The following GTF2E2 variants were observed in gnomAD, a reference collection of about 807,000 sequenced individuals.
The protein encoded by GTF2E2 is transcription initiation factor IIE subunit beta.
A neutral mutation model predicts 40.5 loss-of-function variants in GTF2E2; 21 were observed. The observed-to-expected ratio is 0.52, with a 90% CI of 0.37 to 0.75. GTF2E2 has a LOEUF of 0.75. GTF2E2 is among the 30% of genes least tolerant of loss of function. The pLI is 0.00. For missense variants in GTF2E2, 298 were observed against 338.4 expected (o/e 0.88, Z 0.94); for synonymous variants, 117 against 121.6 (o/e 0.96, Z 0.25).
At chr8:30,644,391 G>A (rs562310084) in intron 2 of GTF2E2, 1 of 152,234 alleles carries the variant, frequency 6.6e-6, no homozygotes, top group South Asian at 2.1e-4. Flanking sequence ...ATAACCCCAA[G>A]ATTAGGGTCT....
At chr8:30,629,902 A>C (rs1801392376) in intron 3 of GTF2E2, among the ~76,000 whole-genome samples, 1 of 152,178 alleles carries the variant, frequency 6.6e-6, no homozygotes, top group Non-Finnish European at 1.5e-5. Context: ...CCGAGACATA[A>C]GGAATAATGC....
intron 4 of GTF2E2, among the ~76,000 whole-genome samples, chr8:30,612,989 G>C (rs1829523399): frequency 6.6e-6 from 1 of 152,160 alleles, no homozygotes; most frequent in African/African-American, 2.4e-5. Context: ...GATCAGCACG[G>C]TGCTCACTTT....
At chr8:30,605,872 G>A (rs1245500165) in intron 6 of GTF2E2, among the ~76,000 whole-genome samples, 2 of 151,962 alleles carry the variant, frequency 1.3e-5, no homozygotes, top group African/African-American at 4.8e-5. Context: ...TTTTGCCCAG[G>A]CTGGTCTTGA....
chr8:30,618,700 T>C lies in GTF2E2; in HGVS notation c.259-3985A>G, dbSNP rs150473945. Among the ~76,000 whole-genome samples the C allele has an allele frequency of 3.5e-3, 529 of 152,304 alleles. 5 individuals carry two copies. The highest frequency in any genetic ancestry group is 0.012 in the African/African-American group (504 of 41,552). On this transcript the variant is annotated intron_variant, in intron 3 of 7. Transcript: ENST00000355904. ...ATATTCTATGATTATAGCAGCTATTTACAGTTTGCTAACAATTATTTTTAA... is the reference window on the plus strand; with the variant it reads ...ATATTCTATGATTATAGCAGCTATTCACAGTTTGCTAACAATTATTTTTAA...
At chr8:30,584,889 G>A (rs1378617366) in intron 6 of GTF2E2, 2 of 152,100 alleles carry the variant, frequency 1.3e-5, no homozygotes, top group African/African-American at 4.8e-5. Flanking sequence ...TGTAAAGTGA[G>A]GATAATAATA....
intron 4 of GTF2E2, among the ~76,000 whole-genome samples, chr8:30,613,772 A>C (rs1481461020): frequency 6.6e-6 from 1 of 152,248 alleles, no homozygotes; most frequent in Non-Finnish European, 1.5e-5. Context: ...TCTAGAATCT[A>C]TCTCTGGTCC....
chr8:30,587,026 A>C (rs1828704840), intron 6 of GTF2E2, among the ~76,000 whole-genome samples: 1 of 152,250 alleles, frequency 6.6e-6, no homozygotes, highest in South Asian at 2.1e-4. Flanking sequence ...CAAACCAAAA[A>C]GCTGCAGCAT....
chr8:30,639,743 T>C (rs1187007977), intron 2 of GTF2E2, among the ~76,000 whole-genome samples: 1 of 152,152 alleles, frequency 6.6e-6, no homozygotes, highest in African/African-American at 2.4e-5. Flanking sequence ...GCTGGTAAGT[T>C]TATTTAATCT....
intron 5 of GTF2E2, among the ~76,000 whole-genome samples, chr8:30,611,759 T>C (rs1829482178): frequency 6.6e-6 from 1 of 152,162 alleles, no homozygotes; most frequent in Admixed American, 6.5e-5. Flanking sequence ...GCAAAATGAA[T>C]GAACCTGCTT....
Position 30,657,978 on chromosome 8 carries a change from T to A in GTF2E2, c.-10A>T, listed in dbSNP as rs1456132774. On this transcript the variant is annotated 5_prime_UTR_variant, in exon 1 of 8. Transcript: ENST00000355904. ...CCGGCGGCCGCAGCCCCTACCTGAG[T>A]GAGAAGGGCAGCCTCGCACGACTCG... The A allele has an allele frequency of 6.5e-6, 1 of 152,732 alleles. No individual in the cohort carries two copies. Among genetic ancestry groups the A allele is most frequent in the Non-Finnish European group, 1.5e-5 (1 of 68,622 alleles). The allele number at this position is 152,732 out of a possible 1,614,324, so 9.5% of individuals were successfully genotyped here.
Position 30,658,136 on chromosome 8 carries a change from C to A in GTF2E2, c.-168G>T. The stretch of plus-strand genomic sequence containing the variant: ...GACCCGCCAGGTCGGGGTCTCACCA[C>A]TGGCGGTGGCGGCGGCGGCGGCGGC... On this transcript the variant is annotated 5_prime_UTR_variant, in exon 1 of 8. Transcript: ENST00000355904. The A allele has an allele frequency of 5.9e-6, 1 of 168,874 alleles. No homozygotes were observed. The highest frequency in any genetic ancestry group is 1.2e-5 in the Non-Finnish European group (1 of 83,704). The allele number at this position is 168,874 out of a possible 1,614,324, so 10.5% of individuals were successfully genotyped here. A position where few individuals can be genotyped will look rare whatever the true frequency, so the allele number is the denominator to read the frequency against.
intron 6 of GTF2E2, among the ~76,000 whole-genome samples, chr8:30,600,190 C>CA (rs1010961872): frequency 3.3e-5 from 5 of 152,048 alleles, no homozygotes; most frequent in Non-Finnish European, 7.4e-5. Context: ...AACGTAACTG[C>CA]AAAAAATCAG....
intron 2 of GTF2E2, among the ~76,000 whole-genome samples, chr8:30,635,490 C>G (rs1801568824): frequency 6.6e-6 from 1 of 152,102 alleles, no homozygotes; most frequent in South Asian, 2.1e-4. Flanking sequence ...TCAGGTGATT[C>G]TCCCACCTCA....
At chr8:30,599,781 G>A (rs1192435944) in intron 6 of GTF2E2, among the ~76,000 whole-genome samples, 6 of 152,050 alleles carry the variant, frequency 3.9e-5, no homozygotes, top group Non-Finnish European at 8.8e-5. Context: ...TCAAGAGATC[G>A]AGACCATCCT....
At chr8:30,595,843 GAAAGGA>G (rs1244900362) in intron 6 of GTF2E2, among the ~76,000 whole-genome samples, 1 of 151,588 alleles carries the variant, frequency 6.6e-6, no homozygotes, top group Non-Finnish European at 1.5e-5. Context: ...GAAAAGAAAG[GAAAGGA>G]AAAGGGGAAG....
intron 3 of GTF2E2, among the ~76,000 whole-genome samples, chr8:30,625,541 A>C (rs1304346797): frequency 6.6e-6 from 1 of 152,050 alleles, no homozygotes; most frequent in Non-Finnish European, 1.5e-5. Context: ...TGGTTTCATA[A>C]GGAATCTTTT....
At chr8:30,652,548 TA>T (rs36075972) in intron 2 of GTF2E2, among the ~76,000 whole-genome samples, 51,678 of 144,194 alleles carry the variant, frequency 0.36, 9,683 homozygotes, top group South Asian at 0.55. Flanking sequence ...TAGCTATGAT[TA>T]AAAAAAAAAA....
At chr8:30,609,513 T>C (rs994175185) in intron 5 of GTF2E2, among the ~76,000 whole-genome samples, 1 of 152,056 alleles carries the variant, frequency 6.6e-6, no homozygotes, top group Non-Finnish European at 1.5e-5. Flanking sequence ...CATGAATAAA[T>C]GAATTCTGTG....
chr8:30,645,699 T>G, intron 2 of GTF2E2: 1 of 1,187,908 alleles, frequency 8.4e-7, no homozygotes, highest in African/African-American at 1.5e-5. Context: ...AAATTCTGAC[T>G]GAATGGTTAA....
Sources: allele counts gnomAD v4.1 joint callset (sites outside exome capture counted in the v4.1 genomes callset), GRCh38; gene constraint gnomAD v4.1.1; transcripts MANE v1.5; gene names NCBI Gene and HGNC (gene_info 2026-07-23, HGNC 2026-07-21).